The following TMEM178B variants were observed in gnomAD, a reference collection of about 807,000 sequenced individuals.
The protein encoded by TMEM178B is transmembrane protein 178B.
Under a neutral mutation model 31.0 loss-of-function variants are expected in TMEM178B, and 5 were observed. The observed-to-expected ratio is 0.16, with a 90% CI of 0.08 to 0.34. The LOEUF (loss-of-function observed/expected upper bound fraction) is 0.34, where lower values mean the gene tolerates loss of function less well. Among genes scored for constraint, TMEM178B ranks in the 10% least tolerant of loss-of-function variants. TMEM178B has a pLI of 1.00. For synonymous variants in TMEM178B, 164 were observed against 164.0 expected (o/e 1.00, Z 0.00); for missense variants, 275 against 400.3 (o/e 0.69, Z 2.67).
At chr7:141,220,109 C>T (rs1797230476) in intron 2 of TMEM178B, among the ~76,000 whole-genome samples, 1 of 152,028 alleles carries the variant, frequency 6.6e-6, no homozygotes, top group East Asian at 1.9e-4. Flanking sequence ...CACTTGAGAT[C>T]AGGGTTCGAG....
chr7:141,399,496 GA>G (rs2116616868), intron 2 of TMEM178B, among the ~76,000 whole-genome samples: 1 of 152,276 alleles, frequency 6.6e-6, no homozygotes, highest in South Asian at 2.1e-4. Flanking sequence ...CAGTATAGTA[GA>G]AGTAAAAAGT....
chr7:141,248,839 T>C (rs1212997239), intron 2 of TMEM178B, among the ~76,000 whole-genome samples: 1 of 152,228 alleles, frequency 6.6e-6, no homozygotes, highest in Non-Finnish European at 1.5e-5. Flanking sequence ...CCTCAATTTA[T>C]GAAAGATACT....
At chr7:141,126,263 C>A in intron 1 of TMEM178B, among the ~76,000 whole-genome samples, 1 of 152,136 alleles carries the variant, frequency 6.6e-6, no homozygotes, top group East Asian at 1.9e-4. Context: ...ATGAGTCAAG[C>A]ACTGTCCTGG....
intron 1 of TMEM178B, among the ~76,000 whole-genome samples, chr7:141,096,049 A>G (rs1794955697): frequency 1.3e-5 from 2 of 152,220 alleles, no homozygotes; most frequent in Non-Finnish European, 2.9e-5. Flanking sequence ...GGCCTTGCCC[A>G]TGGTATCCAG....
chr7:141,089,983 A>G (rs1190089924), intron 1 of TMEM178B, among the ~76,000 whole-genome samples: 3 of 152,050 alleles, frequency 2.0e-5, no homozygotes. Context: ...AGTTGTGCAC[A>G]TGTACCCTAG....
chr7:141,092,020 A>G (rs4726268), intron 1 of TMEM178B, among the ~76,000 whole-genome samples: 131,083 of 152,196 alleles, frequency 0.86, 56,635 homozygotes, highest in East Asian at 0.99. Flanking sequence ...GAGCTACCAC[A>G]CCCCACCTAA....
chr7:141,161,009 C>A (rs1796161425), intron 1 of TMEM178B, among the ~76,000 whole-genome samples: 1 of 152,066 alleles, frequency 6.6e-6, no homozygotes, highest in Non-Finnish European at 1.5e-5. Context: ...AGGCATGCAC[C>A]ACCATGCCTG....
chr7:141,419,922 A>G (rs1801173042), intron 2 of TMEM178B, among the ~76,000 whole-genome samples: 1 of 152,218 alleles, frequency 6.6e-6, no homozygotes, highest in African/African-American at 2.4e-5. Context: ...ACAGGAGTAT[A>G]TAGAACATTT....
At chr7:141,354,450 A>C (rs1174854404) in intron 2 of TMEM178B, among the ~76,000 whole-genome samples, 1 of 146,288 alleles carries the variant, frequency 6.8e-6, no homozygotes, top group Non-Finnish European at 1.5e-5. Context: ...CACAGCAGAC[A>C]GTTCTGACAA....
intron 1 of TMEM178B, among the ~76,000 whole-genome samples, chr7:141,161,790 T>C (rs1796176833): frequency 6.6e-6 from 1 of 151,870 alleles, no homozygotes; most frequent in Admixed American, 6.6e-5. Context: ...TGTGTGTTTG[T>C]GTGTGAAGAG....
intron 2 of TMEM178B, among the ~76,000 whole-genome samples, chr7:141,252,371 A>G (rs1183346316): frequency 6.6e-6 from 1 of 152,178 alleles, no homozygotes; most frequent in African/African-American, 2.4e-5. Context: ...GGAGTTCAGG[A>G]TGGTTCATCT....
intron 1 of TMEM178B, among the ~76,000 whole-genome samples, chr7:141,077,959 T>C (rs1794624383): frequency 6.6e-6 from 1 of 152,312 alleles, no homozygotes; most frequent in East Asian, 1.9e-4. Flanking sequence ...ATATCACTTG[T>C]GGACATTATT....
chr7:141,356,959 A>T (rs1302518768), intron 2 of TMEM178B, among the ~76,000 whole-genome samples: 1 of 152,176 alleles, frequency 6.6e-6, no homozygotes, highest in Non-Finnish European at 1.5e-5. Flanking sequence ...TGGGGTAGTG[A>T]GGAAATGCCC....
chr7:141,091,446 A>T (rs185612695), intron 1 of TMEM178B, among the ~76,000 whole-genome samples: 10 of 152,292 alleles, frequency 6.6e-5, no homozygotes, highest in Admixed American at 6.5e-4. Flanking sequence ...AGAGTTGTTA[A>T]CATTTCAAAG....
chr7:141,144,442 T>C (rs1390278534), intron 1 of TMEM178B, among the ~76,000 whole-genome samples: 3 of 152,204 alleles, frequency 2.0e-5, no homozygotes, highest in Non-Finnish European at 4.4e-5. Flanking sequence ...AAATAGAGGC[T>C]CAATAAATGT....
At chr7:141,453,635 G>A (rs1004604499) in intron 3 of TMEM178B, among the ~76,000 whole-genome samples, 1 of 152,236 alleles carries the variant, frequency 6.6e-6, no homozygotes, top group Non-Finnish European at 1.5e-5. Context: ...GACAAAGGGA[G>A]CCTCCCTCTG....
At chr7:141,153,778 A>G (rs964039000) in intron 1 of TMEM178B, among the ~76,000 whole-genome samples, 1 of 152,096 alleles carries the variant, frequency 6.6e-6, no homozygotes, top group Non-Finnish European at 1.5e-5. Context: ...ATTGATTTGG[A>G]TGAGCTCTTT....
At chr7:141,314,179 C>T (rs1016263450) in intron 2 of TMEM178B, among the ~76,000 whole-genome samples, 1 of 152,142 alleles carries the variant, frequency 6.6e-6, no homozygotes, top group African/African-American at 2.4e-5. Context: ...TTCTTGGGAA[C>T]GTTTAACCCC....
chr7:141,462,664 A>C (rs17162259), intron 3 of TMEM178B, among the ~76,000 whole-genome samples: 8,158 of 152,112 alleles, frequency 0.054, 712 homozygotes, highest in African/African-American at 0.18. Context: ...CAACCAGAGA[A>C]ATATTAATGA....
Sources: gnomAD v4.1 joint callset for allele counts (sites outside exome capture counted in the v4.1 genomes callset) on GRCh38, gnomAD v4.1.1 for gene constraint, MANE v1.5 for transcripts, NCBI Gene and HGNC (gene_info 2026-07-23, HGNC 2026-07-21) for gene names.